Variants in NHSL1 observed in about 807,000 individuals in gnomAD.
NHSL1 encodes NHS-like protein 1.
A neutral mutation model predicts 95.0 loss-of-function variants in NHSL1; 48 were observed. That is an observed-to-expected ratio of 0.51 (90% CI 0.40 to 0.64). The LOEUF (loss-of-function observed/expected upper bound fraction) is 0.64. NHSL1 is among the 30% of genes least tolerant of loss of function. NHSL1 has a pLI of 0.00. For missense variants in NHSL1, 1,971 were observed against 2,077.7 expected, an observed-to-expected ratio of 0.95 and a Z score of 1.00; for synonymous variants, 783 against 833.9, an observed-to-expected ratio of 0.94 and a Z score of 1.05.
At chr6:138,490,851 A>G (rs12661058) in intron 2 of NHSL1, among the ~76,000 whole-genome samples, 4 of 152,064 alleles carry the variant, frequency 2.6e-5, no homozygotes, top group Non-Finnish European at 4.4e-5. Flanking sequence ...CCAGGATGGT[A>G]TCTATCTCCT....
intron 1 of NHSL1, among the ~76,000 whole-genome samples, chr6:138,512,007 C>T (rs1361457384): frequency 6.6e-6 from 1 of 152,214 alleles, no homozygotes; most frequent in Non-Finnish European, 1.5e-5. Flanking sequence ...TCAGAAGAGT[C>T]AGATGGATCC....
chr6:138,597,292 T>C (rs774234130), intron 1 of NHSL1, among the ~76,000 whole-genome samples: 1 of 152,234 alleles, frequency 6.6e-6, no homozygotes. Flanking sequence ...TGGTGTCATA[T>C]AGCCTAAAGA....
Position 138,490,822 on chromosome 6 carries a change from C to T in NHSL1, c.211+5397G>A, listed in dbSNP as rs571725818. On this transcript the variant is annotated intron_variant, in intron 2 of 7. Coordinates refer to ENST00000343505, the MANE Select transcript of NHSL1 (RefSeq NM_001144060.2). ...CTAATTTTTGTATTTTTAGTAGAGA[C>T]GGGGTTTCACCATGTTGGCCAGGAT... 1.4e-4 allele frequency among the ~76,000 whole-genome samples: 22 copies of T among 152,176 alleles called. No homozygotes were observed. In the East Asian group the frequency reaches 2.5e-3, roughly 17 times the overall value.
At chr6:138,576,387 T>A (rs1200422404), upstream of NHSL1, among the ~76,000 whole-genome samples, 3 of 152,228 alleles carry the variant, frequency 2.0e-5, no homozygotes, top group Non-Finnish European at 4.4e-5. Context: ...GCTATTTTTC[T>A]CCAAGAAAAC....
At chr6:138,484,059 G>A (rs939327225) in intron 2 of NHSL1, among the ~76,000 whole-genome samples, 2 of 152,186 alleles carry the variant, frequency 1.3e-5, no homozygotes, top group African/African-American at 4.8e-5. Flanking sequence ...AGGAGAGTAG[G>A]TGGAACAGAA....
At chr6:138,427,602 A>G (rs1775348996) in intron 7 of NHSL1, among the ~76,000 whole-genome samples, 1 of 152,190 alleles carries the variant, frequency 6.6e-6, no homozygotes, top group Non-Finnish European at 1.5e-5. Flanking sequence ...TAATGAAGAG[A>G]GCTATAAAAA....
chr6:138,581,492 G>C (rs577928207), intron 1 of NHSL1, among the ~76,000 whole-genome samples: 33 of 152,048 alleles, frequency 2.2e-4, no homozygotes, highest in African/African-American at 6.5e-4. Flanking sequence ...AGAAGTTCGA[G>C]ACCAGCCTGG....
chr6:138,566,585 T>C (rs1783626155), intron 1 of NHSL1, among the ~76,000 whole-genome samples: 1 of 148,828 alleles, frequency 6.7e-6, no homozygotes, highest in African/African-American at 2.6e-5. Context: ...CTTTTCATAA[T>C]TTAAAAAAAA....
At chr6:138,492,773 G>A (rs1326599204) in intron 2 of NHSL1, among the ~76,000 whole-genome samples, 3 of 152,112 alleles carry the variant, frequency 2.0e-5, no homozygotes. Flanking sequence ...AGCATTTAAT[G>A]GCGATGAAAA....
chr6:138,617,361 A>G (rs1784594248), intron 1 of NHSL1, among the ~76,000 whole-genome samples: 1 of 152,202 alleles, frequency 6.6e-6, no homozygotes, highest in Non-Finnish European at 1.5e-5. Flanking sequence ...CACAGGGAAG[A>G]GGACAGACTG....
chr6:138,631,717 AG>A lies in NHSL1; in HGVS notation c.96+60758del, dbSNP rs572289724. On this transcript the variant is annotated intron_variant, in intron 1 of 3. Transcript: ENST00000491526. The stretch of plus-strand genomic sequence containing the variant: ...CCCTAAACAACCAGCAGCTATACCT[AG>A]GTACTACCTCAAGGGCCTTGGTGAG... Among the ~76,000 whole-genome samples the A allele has an allele frequency of 3.9e-5, 6 of 152,118 alleles. No homozygotes were observed. The South Asian group carries it at 1.2e-3, about 32-fold the overall frequency.
intron 1 of NHSL1, among the ~76,000 whole-genome samples, chr6:138,642,083 C>G (rs1784966653): frequency 6.6e-6 from 1 of 151,242 alleles, no homozygotes; most frequent in Non-Finnish European, 1.5e-5. Flanking sequence ...CAAATTCATG[C>G]AAAAAAAATC....
intron 1 of NHSL1, among the ~76,000 whole-genome samples, chr6:138,542,468 A>G (rs1214492594): frequency 1.3e-5 from 2 of 152,254 alleles, no homozygotes; most frequent in Non-Finnish European, 2.9e-5. Flanking sequence ...CAATTAGATT[A>G]GTACAGGAAA....
At chr6:138,516,917 G>A (rs1214272970) in intron 1 of NHSL1, among the ~76,000 whole-genome samples, 2 of 152,302 alleles carry the variant, frequency 1.3e-5, no homozygotes, top group Admixed American at 6.5e-5. Context: ...TTACAGGCGC[G>A]AGCCACTGCA....
rs572942312 is a variant in NHSL1, at chr6:138,668,959, G to A, written c.96+23517C>T. Among the ~76,000 whole-genome samples the A allele has an allele frequency of 5.3e-5, 8 of 152,226 alleles. No individual in the cohort carries two copies. The South Asian group carries it at 8.3e-4, about 16-fold the overall frequency. ...AAAATTGTTCACTGGTTGGATACAC[G>A]ATGGAGGAAGCAAGGGAAATTGGCC... On this transcript the variant is annotated intron_variant, in intron 1 of 3. Transcript: ENST00000491526.
At chr6:138,608,077 C>A (rs1784458682) in intron 1 of NHSL1, among the ~76,000 whole-genome samples, 1 of 152,232 alleles carries the variant, frequency 6.6e-6, no homozygotes, top group Non-Finnish European at 1.5e-5. Context: ...AGGGAACACT[C>A]TTCTGCAACA....
upstream of NHSL1, among the ~76,000 whole-genome samples, chr6:138,575,404 T>A (rs543800834): frequency 6.6e-6 from 1 of 152,190 alleles, no homozygotes; most frequent in Non-Finnish European, 1.5e-5. Flanking sequence ...GCAGCCAAAA[T>A]GATAACTAGT....
chr6:138,662,021 A>G (rs1210844969), intron 1 of NHSL1, among the ~76,000 whole-genome samples: 3 of 152,114 alleles, frequency 2.0e-5, no homozygotes, highest in East Asian at 3.9e-4. Flanking sequence ...CTGCAGTGAG[A>G]TATGATTGTA....
Position 138,432,499 on chromosome 6 carries a change from C to T in NHSL1, c.1846G>A (p.Gly616Arg). 1 of 1,552,238 alleles carries T rather than the reference C, an allele frequency of 6.4e-7. No individual in the cohort carries two copies. The change falls in exon 6 of 8, where the codon GGA becomes AGA. Residue 616 changes from glycine (G) to arginine (R), a missense_variant. This residue lies in a region of NHSL1 where 1,602 missense variants were observed against 1,654.5 expected (regional missense o/e 0.97). Coordinates refer to ENST00000343505, the MANE Select transcript of NHSL1 (RefSeq NM_001144060.2). This position sits in a 1 kb window ranked among gnomAD's most constrained non-coding sequence, Gnocchi z 4.4. ...TTGCACAGATTCCCAGATCCATGTC[C>T]AGAGTCAGTGTGCACAGATGCACAG... is the stretch of plus-strand genomic sequence containing the variant. ...GYCASVHTDSGHGSGNLCNSS... is the reference protein window; with the variant it reads ...GYCASVHTDSRHGSGNLCNSS...
Sources: allele counts gnomAD v4.1 joint callset (sites outside exome capture counted in the v4.1 genomes callset), GRCh38; gene constraint gnomAD v4.1.1; regional missense constraint gnomAD v4.1.1; non-coding constraint Gnocchi (gnomAD v3.1); transcripts MANE v1.5; gene names NCBI Gene and HGNC (gene_info 2026-07-23, HGNC 2026-07-21).